PRKAR2B: variants seen among roughly 807,000 people sequenced by gnomAD.
PRKAR2B encodes protein kinase cAMP-dependent type II regulatory subunit beta, also known as cAMP-dependent protein kinase type II-beta regulatory subunit.
A neutral mutation model predicts 49.9 loss-of-function variants in PRKAR2B; 14 were observed. The ratio of observed to expected loss-of-function variants is 0.28; its 90% CI spans 0.19 to 0.44. PRKAR2B has a LOEUF of 0.44. PRKAR2B is among the 20% of genes least tolerant of loss of function. The probability of loss-of-function intolerance (pLI) is 1.00; values close to 1 mark genes in which losing one functional copy is unlikely to be tolerated. For synonymous variants in PRKAR2B, 196 were observed against 197.7 expected (o/e 0.99, Z 0.07); for missense variants, 393 against 537.9 (o/e 0.73, Z 2.67).
intron 2 of PRKAR2B, chr7:107,078,126 A>G (rs1181586529): frequency 1.3e-5 from 2 of 150,622 alleles, no homozygotes; most frequent in East Asian, 3.9e-4. Context: ...CACTTGAACC[A>G]GGGACGCAAA....
intron 4 of PRKAR2B, among the ~76,000 whole-genome samples, chr7:107,138,850 AT>A (rs1164752119): frequency 6.6e-6 from 1 of 151,688 alleles, no homozygotes; most frequent in Non-Finnish European, 1.5e-5. Context: ...TGCCCAGCTT[AT>A]TTTTTTTGGT....
intron 8 of PRKAR2B, among the ~76,000 whole-genome samples, chr7:107,155,050 T>C (rs1304055198): frequency 1.3e-5 from 2 of 151,994 alleles, no homozygotes; most frequent in African/African-American, 2.4e-5. Context: ...GATGTTAGGA[T>C]GACGCAGGGT....
At chr7:107,049,679 T>C (rs1210290759) in intron 1 of PRKAR2B, among the ~76,000 whole-genome samples, 2 of 152,202 alleles carry the variant, frequency 1.3e-5, no homozygotes, top group Non-Finnish European at 2.9e-5. Flanking sequence ...GTATTGCACT[T>C]CTTGGCGAGG....
At chr7:107,100,597 C>T (rs929607945) in intron 2 of PRKAR2B, among the ~76,000 whole-genome samples, 1 of 152,152 alleles carries the variant, frequency 6.6e-6, no homozygotes, top group Non-Finnish European at 1.5e-5. Flanking sequence ...CTCTCTGTTT[C>T]CATTTTTTAT....
chr7:107,101,911 A>C (rs1000647206), intron 2 of PRKAR2B, among the ~76,000 whole-genome samples: 3 of 26,964 alleles, frequency 1.1e-4, no homozygotes, highest in Non-Finnish European at 2.2e-4. Context: ...AGTTTTGTTT[A>C]GTTTCCTCAT....
intron 3 of PRKAR2B, among the ~76,000 whole-genome samples, chr7:107,126,698 C>G (rs1795502371): frequency 6.6e-6 from 1 of 152,046 alleles, no homozygotes; most frequent in African/African-American, 2.4e-5. Context: ...TGAGAAATGA[C>G]TTTCTGTTTT....
At chr7:107,140,175 C>T (rs573110778) in intron 4 of PRKAR2B, among the ~76,000 whole-genome samples, 8 of 152,320 alleles carry the variant, frequency 5.3e-5, no homozygotes, top group African/African-American at 1.9e-4. Flanking sequence ...GTCAATCACA[C>T]TTTGACAGAA....
chr7:107,089,224 A>G (rs960710426), intron 2 of PRKAR2B, among the ~76,000 whole-genome samples: 1 of 152,220 alleles, frequency 6.6e-6, no homozygotes, highest in East Asian at 1.9e-4. Context: ...ATTGAGATTC[A>G]TAATACTTAG....
intron 2 of PRKAR2B, among the ~76,000 whole-genome samples, chr7:107,110,642 C>T (rs777929711): frequency 7.2e-5 from 11 of 151,922 alleles, no homozygotes; most frequent in African/African-American, 2.2e-4. Flanking sequence ...CATTCCTGGA[C>T]GATACTTCTA....
chr7:107,128,204 C>T lies in PRKAR2B; in HGVS notation c.397-8C>T, dbSNP rs576834442. ...TGTCTTTGTTTTTTAAATCTGATGT[C>T]CTTTTAGATTATACATCCAAAAACT... On this transcript the variant is annotated splice_polypyrimidine_tract_variant and splice_region_variant and intron_variant, in intron 3 of 10. Transcript: ENST00000265717. 2.5e-5 allele frequency: 40 copies of T among 1,584,866 alleles called. No homozygotes were observed. In the South Asian group the frequency reaches 3.1e-4, roughly 12 times the overall value.
At chr7:107,147,313 A>G (rs543864306) in intron 6 of PRKAR2B, among the ~76,000 whole-genome samples, 4 of 152,292 alleles carry the variant, frequency 2.6e-5, no homozygotes, top group Non-Finnish European at 5.9e-5. Context: ...CTCTGTCTCA[A>G]AAAAAATCCT....
chr7:107,108,356 A>G (rs1795115707), intron 2 of PRKAR2B, among the ~76,000 whole-genome samples: 2 of 152,256 alleles, frequency 1.3e-5, no homozygotes, highest in African/African-American at 4.8e-5. Context: ...AACAGATGTG[A>G]AAGAAAACAA....
chr7:107,143,402 C>T (rs185467258), intron 5 of PRKAR2B, among the ~76,000 whole-genome samples: 8 of 152,256 alleles, frequency 5.3e-5, no homozygotes, highest in South Asian at 2.1e-4. Flanking sequence ...GGTTAGTGTA[C>T]GAGGTACAGT....
intron 2 of PRKAR2B, among the ~76,000 whole-genome samples, chr7:107,121,154 T>G (rs1488677506): frequency 2.6e-5 from 4 of 151,896 alleles, no homozygotes; most frequent in African/African-American, 7.2e-5. Context: ...GTACAATCCT[T>G]CTAGAAAGAA....
chr7:107,156,108 G>A (rs1796082889), intron 8 of PRKAR2B, among the ~76,000 whole-genome samples: 1 of 152,156 alleles, frequency 6.6e-6, no homozygotes, highest in African/African-American at 2.4e-5. Context: ...CCTGTCAGGG[G>A]GTGGGGAGTG....
chr7:107,139,575 C>A (rs909864698), intron 4 of PRKAR2B, among the ~76,000 whole-genome samples: 15 of 152,176 alleles, frequency 9.9e-5, no homozygotes, highest in African/African-American at 3.6e-4. Context: ...CCACTTTGGA[C>A]CCTCTTGGTG....
intron 2 of PRKAR2B, among the ~76,000 whole-genome samples, chr7:107,099,073 A>C (rs975875412): frequency 4.6e-5 from 7 of 152,168 alleles, no homozygotes; most frequent in African/African-American, 1.7e-4. Flanking sequence ...AGTCTGCAGA[A>C]GTTTTTGGTG....
At position 107,147,182 on chromosome 7, in the gene PRKAR2B, G is replaced by T. The variant is rs528258078; in HGVS notation, c.741+721G>T. On this transcript the variant is annotated intron_variant, in intron 6 of 10. Transcript: ENST00000265717. ...AAAAATTAGCCGGGCACGGTCGTGG[G>T]TGCCTGTAGTCCCAGCTACTCAGGA... Among the ~76,000 whole-genome samples the T allele has an allele frequency of 9.2e-5, 14 of 152,262 alleles. No individual in the cohort carries two copies. In the East Asian group the frequency reaches 2.1e-3, roughly 23 times the overall value.
At chr7:107,077,563 C>T (rs1437935259) in intron 2 of PRKAR2B, among the ~76,000 whole-genome samples, 2 of 152,226 alleles carry the variant, frequency 1.3e-5, no homozygotes, top group Non-Finnish European at 2.9e-5. Context: ...CCATATGTTG[C>T]TATGCAGTTT....
Sources: gnomAD v4.1 joint callset for allele counts (sites outside exome capture counted in the v4.1 genomes callset) on GRCh38, gnomAD v4.1.1 for gene constraint, MANE v1.5 for transcripts, NCBI Gene and HGNC (gene_info 2026-07-23, HGNC 2026-07-21) for gene names.